The following CTNNA2 variants were observed in gnomAD, a reference collection of about 807,000 sequenced individuals.
The protein encoded by CTNNA2 is catenin alpha-2.
Under a neutral mutation model 101.0 loss-of-function variants are expected in CTNNA2, and 42 were observed. The observed-to-expected ratio is 0.42, with a 90% CI of 0.32 to 0.54. The LOEUF (loss-of-function observed/expected upper bound fraction) is 0.54. Ranked by LOEUF, CTNNA2 falls within the 20% of genes least tolerant of loss-of-function variation. The pLI, the probability that CTNNA2 is intolerant of heterozygous loss-of-function variation, is 0.14. For missense variants in CTNNA2, 871 were observed against 1,223.1 expected (o/e 0.71, Z 4.29); for synonymous variants, 450 against 456.4 (o/e 0.99, Z 0.18).
intron 9 of CTNNA2, among the ~76,000 whole-genome samples, chr2:80,539,360 G>T (rs1157040241): frequency 2.2e-5 from 3 of 139,192 alleles, no homozygotes; most frequent in Non-Finnish European, 3.1e-5. Context: ...TTCTGCTAAT[G>T]ATATTGTTAA....
intron 3 of CTNNA2, among the ~76,000 whole-genome samples, chr2:79,828,443 C>A (rs1304410129): frequency 6.6e-6 from 1 of 152,150 alleles, no homozygotes; most frequent in Non-Finnish European, 1.5e-5. Context: ...AGAAAATTAC[C>A]TTCACTGTAA....
At chr2:79,774,976 T>C (rs1673856954) in intron 3 of CTNNA2, among the ~76,000 whole-genome samples, 1 of 152,178 alleles carries the variant, frequency 6.6e-6, no homozygotes, top group Non-Finnish European at 1.5e-5. Flanking sequence ...CCAATGAATA[T>C]TTTAAAGCCA....
chr2:79,579,410 A>C (rs544977158), intron 1 of CTNNA2, among the ~76,000 whole-genome samples: 2 of 152,216 alleles, frequency 1.3e-5, no homozygotes, highest in South Asian at 4.2e-4. Flanking sequence ...TTCTGTGTTT[A>C]AAGGGGCTTA....
intron 12 of CTNNA2, among the ~76,000 whole-genome samples, chr2:80,572,493 T>G (rs959150717): frequency 2.0e-5 from 3 of 152,192 alleles, no homozygotes; most frequent in Non-Finnish European, 4.4e-5. Context: ...GTCATACTTA[T>G]GGCAACGTAG....
upstream of CTNNA2, among the ~76,000 whole-genome samples, chr2:79,512,565 C>T (rs1438099441): frequency 2.7e-5 from 4 of 145,708 alleles, no homozygotes; most frequent in South Asian, 4.7e-4. Context: ...ACACCCCTAT[C>T]CCCCCCGCCC....
chr2:79,535,466 A>G (rs1455461768), intron 1 of CTNNA2, among the ~76,000 whole-genome samples: 3 of 152,056 alleles, frequency 2.0e-5, no homozygotes, highest in Non-Finnish European at 4.4e-5. Flanking sequence ...AGCCTCCCAA[A>G]GTGCTAGGAT....
chr2:79,763,325 G>A (rs1249061404), intron 3 of CTNNA2, among the ~76,000 whole-genome samples: 2 of 152,090 alleles, frequency 1.3e-5, no homozygotes, highest in Non-Finnish European at 2.9e-5. Flanking sequence ...CACAGACCCT[G>A]ATATTTTTCT....
At chr2:79,969,910 C>T (rs1333544275) in intron 7 of CTNNA2, among the ~76,000 whole-genome samples, 2 of 152,148 alleles carry the variant, frequency 1.3e-5, no homozygotes, top group Non-Finnish European at 2.9e-5. Flanking sequence ...ATACATTTAG[C>T]TGGAAGAGCA....
At chr2:79,476,623 C>T (rs1040474531) in intron 4 of CTNNA2, among the ~76,000 whole-genome samples, 7 of 152,152 alleles carry the variant, frequency 4.6e-5, no homozygotes, top group Admixed American at 1.3e-4. Flanking sequence ...TTCTTTTCTG[C>T]TACTGCCAAC....
At chr2:79,791,564 T>C (rs756620521) in intron 3 of CTNNA2, among the ~76,000 whole-genome samples, 4 of 152,170 alleles carry the variant, frequency 2.6e-5, no homozygotes, top group Non-Finnish European at 5.9e-5. Flanking sequence ...CTTTGTTAGG[T>C]AGGATTTTTA....
At chr2:79,976,351 C>T (rs905033253) in intron 7 of CTNNA2, among the ~76,000 whole-genome samples, 2 of 152,096 alleles carry the variant, frequency 1.3e-5, no homozygotes, top group African/African-American at 4.8e-5. Flanking sequence ...GACACCATAC[C>T]CTGGAGTTGA....
chr2:79,940,694 A>C (rs570579168), intron 7 of CTNNA2, among the ~76,000 whole-genome samples: 1 of 152,302 alleles, frequency 6.6e-6, no homozygotes, highest in Non-Finnish European at 1.5e-5. Context: ...CTGTAGTGCA[A>C]ATGCAACCTG....
At chr2:79,884,900 G>A (rs1335020858) in intron 6 of CTNNA2, among the ~76,000 whole-genome samples, 1 of 152,102 alleles carries the variant, frequency 6.6e-6, no homozygotes, top group African/African-American at 2.4e-5. Context: ...TGGCTGGCAA[G>A]AATTGTATGT....
intron 3 of CTNNA2, among the ~76,000 whole-genome samples, chr2:79,802,775 T>C (rs1041055904): frequency 6.6e-6 from 1 of 152,378 alleles, no homozygotes; most frequent in East Asian, 1.9e-4. Context: ...ACATGCTTTT[T>C]TGTGTGTGAC....
chr2:79,914,876 A>G (rs955793763), intron 7 of CTNNA2, among the ~76,000 whole-genome samples: 3 of 152,166 alleles, frequency 2.0e-5, no homozygotes, highest in African/African-American at 7.2e-5. Context: ...ACATGAAGAC[A>G]TATTGATATG....
chr2:80,373,316 T>C (rs770368582), intron 7 of CTNNA2, among the ~76,000 whole-genome samples: 1 of 152,240 alleles, frequency 6.6e-6, no homozygotes, highest in African/African-American at 2.4e-5. Flanking sequence ...GTTGTTTTCA[T>C]GGTATCTCAA....
At position 80,419,377 on chromosome 2, in the gene CTNNA2, G is replaced by A. The variant is rs892997691; in HGVS notation, c.1138-72G>A. The A allele has an allele frequency of 5.6e-5, 72 of 1,296,162 alleles. No homozygotes were observed. The Middle Eastern group carries it at 8.1e-4, about 15-fold the overall frequency. The allele number at this position is 1,296,162 out of a possible 1,614,324, so 80.3% of individuals were successfully genotyped here. ...CATGGGTAATGAGAGCTCAAAAACAGTTTAGAAAAAAAATGGGCAATTATA... is the reference window on the plus strand; with the variant it reads ...CATGGGTAATGAGAGCTCAAAAACAATTTAGAAAAAAAATGGGCAATTATA... On this transcript the variant is annotated intron_variant, in intron 8 of 18. Coordinates refer to ENST00000402739, the MANE Select transcript of CTNNA2 (RefSeq NM_001282597.3).
At chr2:80,099,772 A>C (rs1393945614) in intron 7 of CTNNA2, among the ~76,000 whole-genome samples, 2 of 146,076 alleles carry the variant, frequency 1.4e-5, no homozygotes, top group African/African-American at 2.5e-5. Context: ...AAAAAAAAAC[A>C]TTTATCAAAC....
At chr2:79,985,191 A>G (rs201041483) in intron 7 of CTNNA2, among the ~76,000 whole-genome samples, 2 of 151,652 alleles carry the variant, frequency 1.3e-5, no homozygotes, top group East Asian at 3.9e-4. Context: ...TGCATCCTCC[A>G]CTCTGACCCC....
Sources: allele counts gnomAD v4.1 joint callset (sites outside exome capture counted in the v4.1 genomes callset), GRCh38; gene constraint gnomAD v4.1.1; transcripts MANE v1.5; gene names NCBI Gene and HGNC (gene_info 2026-07-23, HGNC 2026-07-21).